AHCYL2: variants seen among roughly 807,000 people sequenced by gnomAD.
AHCYL2 encodes S-adenosylhomocysteine hydrolase-like protein 2.
Under a neutral mutation model 81.4 loss-of-function variants are expected in AHCYL2, and 28 were observed. The observed-to-expected ratio is 0.34, with a 90% confidence interval of 0.25 to 0.47. AHCYL2 has a LOEUF of 0.47. Ranked by LOEUF, AHCYL2 falls within the 20% of genes least tolerant of loss-of-function variation. AHCYL2 has a pLI of 1.00. For synonymous variants in AHCYL2, 272 were observed against 290.2 expected (o/e 0.94, Z 0.64); for missense variants, 551 against 785.1 (o/e 0.70, Z 3.56).
chr7:129,389,321 C>T, intron 3 of AHCYL2, 122 bp downstream of exon 3: 1 of 964,454 alleles, frequency 1.0e-6, no homozygotes, highest in Non-Finnish European at 1.4e-6. Flanking sequence ...ATACTTATAA[C>T]AAAAGAAATG....
intron 1 of AHCYL2, among the ~76,000 whole-genome samples, chr7:129,231,164 C>CGG (rs1329416430): frequency 6.6e-6 from 1 of 151,632 alleles, no homozygotes; most frequent in East Asian, 1.9e-4. Flanking sequence ...TGCTTGAATG[C>CGG]GGGAAGTGGA....
At chr7:129,416,490 C>T (rs1173843932) in intron 12 of AHCYL2, among the ~76,000 whole-genome samples, 1 of 152,102 alleles carries the variant, frequency 6.6e-6, no homozygotes, top group Non-Finnish European at 1.5e-5. Context: ...ATAGATCAGG[C>T]TGTGACCCTT....
Position 129,252,805 on chromosome 7 carries a change from A to ATGAT in AHCYL2, c.363+27387_363+27390dup, listed in dbSNP as rs745458464. Among the ~76,000 whole-genome samples the ATGAT allele has an allele frequency of 1.6e-3, 238 of 152,016 alleles. 1 individual carries two copies. Among genetic ancestry groups the ATGAT allele is most frequent in the Non-Finnish European group, 1.2e-3 (79 of 67,964 alleles). The stretch of plus-strand genomic sequence containing the variant: ...GCTAGGTAGGTAGGTAGGTAGATAG[A>ATGAT]TGATTGATTGATTGATTGATTGATA... On this transcript the variant is annotated intron_variant, in intron 1 of 16. Coordinates refer to ENST00000325006, the MANE Select transcript of AHCYL2 (RefSeq NM_015328.4).
At chr7:129,305,996 T>A (rs1224733687) in intron 1 of AHCYL2, among the ~76,000 whole-genome samples, 3 of 152,248 alleles carry the variant, frequency 2.0e-5, no homozygotes, top group Non-Finnish European at 2.9e-5. Flanking sequence ...GTTGTTTCTT[T>A]TCTCTTCCTG....
At chr7:129,271,624 T>C (rs1424813472) in intron 1 of AHCYL2, among the ~76,000 whole-genome samples, 2 of 151,740 alleles carry the variant, frequency 1.3e-5, no homozygotes, top group African/African-American at 4.8e-5. Flanking sequence ...AAAACCCGGG[T>C]GCGGGTAACA....
At chr7:129,377,556 A>G in intron 1 of AHCYL2, 1 of 456,752 alleles carries the variant, frequency 2.2e-6, no homozygotes, top group Non-Finnish European at 4.4e-6. Context: ...TGGAGCCGTC[A>G]GTTCCTGCTT....
At chr7:129,226,473 G>A (rs1472266513) in intron 1 of AHCYL2, among the ~76,000 whole-genome samples, 1 of 152,216 alleles carries the variant, frequency 6.6e-6, no homozygotes, top group East Asian at 1.9e-4. Flanking sequence ...CACAGTATGG[G>A]CACAGGGATT....
chr7:129,412,426 G>A (rs765515498), intron 11 of AHCYL2, among the ~76,000 whole-genome samples: 8 of 150,858 alleles, frequency 5.3e-5, no homozygotes, highest in Non-Finnish European at 1.2e-4. Context: ...GACTACAGGC[G>A]CACACCACCA....
At chr7:129,363,201 A>G (rs768135911) in intron 1 of AHCYL2, among the ~76,000 whole-genome samples, 31 of 152,070 alleles carry the variant, frequency 2.0e-4, no homozygotes, top group Non-Finnish European at 3.8e-4. Context: ...CTCCTCACCT[A>G]CATGTTAAGG....
intron 1 of AHCYL2, among the ~76,000 whole-genome samples, chr7:129,236,307 T>A (rs756919355): frequency 2.0e-5 from 3 of 152,046 alleles, no homozygotes; most frequent in Non-Finnish European, 4.4e-5. Context: ...TTCAAGCGAT[T>A]CTCTTGCCTC....
chr7:129,352,251 C>T (rs959860151), intron 1 of AHCYL2, among the ~76,000 whole-genome samples: 1 of 151,924 alleles, frequency 6.6e-6, no homozygotes, highest in African/African-American at 2.4e-5. Flanking sequence ...TGAAAATGAA[C>T]GAAGTGAGCC....
intron 1 of AHCYL2, among the ~76,000 whole-genome samples, chr7:129,227,608 CAAAAA>C (rs57256611): frequency 3.7e-5 from 3 of 80,746 alleles, no homozygotes; most frequent in Admixed American, 1.4e-4. Flanking sequence ...GACCTTGTCT[CAAAAA>C]AAAAAAAAAA....
intron 1 of AHCYL2, among the ~76,000 whole-genome samples, chr7:129,358,912 A>C (rs1271839129): frequency 6.6e-6 from 1 of 152,220 alleles, no homozygotes; most frequent in East Asian, 1.9e-4. Context: ...GCTGGTAGGA[A>C]TATAAACTAG....
At chr7:129,235,688 G>C (rs1794618907) in intron 1 of AHCYL2, among the ~76,000 whole-genome samples, 1 of 152,180 alleles carries the variant, frequency 6.6e-6, no homozygotes, top group African/African-American at 2.4e-5. Context: ...TTTCCAAAGT[G>C]AGTTTTATAA....
At chr7:129,347,653 C>A (rs1447418419) in intron 1 of AHCYL2, among the ~76,000 whole-genome samples, 2 of 151,704 alleles carry the variant, frequency 1.3e-5, no homozygotes, top group South Asian at 2.1e-4. Flanking sequence ...TGGTTTTTTT[C>A]TTTACAGTGA....
intron 1 of AHCYL2, among the ~76,000 whole-genome samples, chr7:129,228,115 T>C (rs1794292944): frequency 6.6e-6 from 1 of 152,232 alleles, no homozygotes; most frequent in Non-Finnish European, 1.5e-5. Context: ...CCTTACTGTT[T>C]TTCTTATAGC....
At chr7:129,279,367 TCACACTCCCAACCTCA>T (rs1796345433) in intron 1 of AHCYL2, among the ~76,000 whole-genome samples, 1 of 152,194 alleles carries the variant, frequency 6.6e-6, no homozygotes, top group African/African-American at 2.4e-5. Context: ...CAGGCTGGTC[TCACACTCCCAACCTCA>T]GGTGATCCCC....
At chr7:129,313,555 C>T (rs1003968441) in intron 1 of AHCYL2, among the ~76,000 whole-genome samples, 1 of 152,102 alleles carries the variant, frequency 6.6e-6, no homozygotes, top group Non-Finnish European at 1.5e-5. Flanking sequence ...GCCAGACAGA[C>T]AAAGGAGTTA....
intron 8 of AHCYL2, chr7:129,405,518 A>C: frequency 2.8e-6 from 1 of 354,000 alleles, no homozygotes; most frequent in Non-Finnish European, 5.0e-6. Context: ...AGGGGAAAAA[A>C]AAAGGAAAAA....
Sources: gnomAD v4.1 joint callset for allele counts (sites outside exome capture counted in the v4.1 genomes callset) on GRCh38, gnomAD v4.1.1 for gene constraint, MANE v1.5 for transcripts, NCBI Gene and HGNC (gene_info 2026-07-23, HGNC 2026-07-21) for gene names.